The following MCF2L variants were observed in gnomAD, a reference collection of about 807,000 sequenced individuals.
MCF2L encodes the protein guanine nucleotide exchange factor DBS.
MCF2L carries 97 observed loss-of-function variants against 153.4 expected under a neutral mutation model. The observed-to-expected ratio is 0.63, with a 90% CI of 0.54 to 0.75. The LOEUF is 0.75. Ranked by LOEUF, MCF2L falls within the 30% of genes least tolerant of loss-of-function variation. The pLI is 0.00. For synonymous variants in MCF2L, 659 were observed against 632.2 expected, an observed-to-expected ratio of 1.04 and a Z score of -0.64; for missense variants, 1,347 against 1,495.2, an observed-to-expected ratio of 0.90 and a Z score of 1.64.
In MCF2L at chr13:113,023,129, G is replaced by A. The variant is rs372837164; in HGVS notation, c.164-1515G>A. On this transcript the variant is annotated intron_variant, in intron 2 of 29. Transcript: ENST00000535094. ...GAGCTGTCCCAGGTGAAGGGGGGCC[G>A]TCACGGTGTGTGGACGCCCCTCGGC... Among the ~76,000 whole-genome samples the A allele has an allele frequency of 1.8e-3, 269 of 152,360 alleles. 1 individual carries two copies. The highest frequency in any genetic ancestry group is 0.014 in the South Asian group (66 of 4,828).
At chr13:112,905,006 C>A (rs972172527) in intron 2 of MCF2L, among the ~76,000 whole-genome samples, 28 of 152,232 alleles carry the variant, frequency 1.8e-4, no homozygotes, top group African/African-American at 6.5e-4. Context: ...CACTGTTGTA[C>A]AACCACCACC....
chr13:112,964,642 G>T (rs2081871460), upstream of MCF2L, among the ~76,000 whole-genome samples: 1 of 152,202 alleles, frequency 6.6e-6, no homozygotes, highest in Admixed American at 6.5e-5. Context: ...GTTTATGACA[G>T]TCAAGAATCA....
rs890683570 is a variant in MCF2L, at chr13:112,960,425, T to G, written c.170-54338T>G. Among the ~76,000 whole-genome samples, 12 of 152,128 alleles carry G rather than the reference T, an allele frequency of 7.9e-5. No homozygotes were observed. Among genetic ancestry groups the G allele is most frequent in the African/African-American group, 2.9e-4 (12 of 41,422 alleles). On this transcript the variant is annotated intron_variant, in intron 2 of 29. Transcript: ENST00000375608. The surrounding 1 kb of genome is among the most constrained non-coding windows in gnomAD (Gnocchi z 4.2). ...GGTGAGGTTTCCCACACACGACCTT[T>G]GGGGGACACATTAAACCCCAGCAGA...
intron 1 of MCF2L, among the ~76,000 whole-genome samples, chr13:112,988,847 G>A (rs113703126): frequency 0.33 from 6,721 of 20,194 alleles, 83 homozygotes; most frequent in Non-Finnish European, 0.45. Context: ...GAGCTACCAC[G>A]CCCAAGTCCT....
chr13:113,063,495 C>T (rs959102209), intron 5 of MCF2L, among the ~76,000 whole-genome samples: 3 of 150,376 alleles, frequency 2.0e-5, no homozygotes, highest in Admixed American at 1.3e-4. Context: ...CCTGTCCACA[C>T]AGCTGCCCAC....
Position 113,046,566 on chromosome 13 carries a change from G to A in MCF2L, c.369+1205G>A, listed in dbSNP as rs373785167. On this transcript the variant is annotated intron_variant, in intron 4 of 29. Coordinates refer to ENST00000535094, the MANE Select transcript of MCF2L (RefSeq NM_001112732.3). This position sits in a 1 kb window ranked among gnomAD's most constrained non-coding sequence, Gnocchi z 4.4. ...ACTGAAAAAAGTCATTCCTTTCCCCGCACATTGCCTCATTCCTTCATCTTT... is the reference window on the plus strand; with the variant it reads ...ACTGAAAAAAGTCATTCCTTTCCCCACACATTGCCTCATTCCTTCATCTTT... 105 of 533,064 alleles carry A rather than the reference G, an allele frequency of 2.0e-4. No homozygotes were observed. The highest frequency in any genetic ancestry group is 1.8e-4 in the Non-Finnish European group (46 of 259,864). The allele number at this position is 533,064 out of a possible 1,614,324, so 33.0% of individuals were successfully genotyped here. A position where few individuals can be genotyped will look rare whatever the true frequency, so the allele number is the denominator to read the frequency against.
In MCF2L at chr13:113,086,296, C is replaced by T. The variant is rs372532613; in HGVS notation, c.2373+47C>T. ...TCTTCCCCGCCGCCTCCGTGGAATA[C>T]ACCAGCCCAGCAACTTGGCGGCCTC... On this transcript the variant is annotated intron_variant, in intron 21 of 29. Transcript: ENST00000535094. The T allele has an allele frequency of 5.0e-6, 8 of 1,595,300 alleles. No homozygotes were observed. In the African/African-American group the frequency reaches 9.5e-5, roughly 19 times the overall value.
At chr13:112,956,078 G>C (rs771474423) in intron 2 of MCF2L, 1 of 152,262 alleles carries the variant, frequency 6.6e-6, no homozygotes, top group Non-Finnish European at 1.5e-5. Context: ...ATGGCAAACT[G>C]TGTGGAGGCC....
intron 26 of MCF2L, among the ~76,000 whole-genome samples, chr13:113,091,456 C>T (rs776036018): frequency 4.9e-4 from 74 of 152,214 alleles, no homozygotes; most frequent in African/African-American, 1.5e-3. Context: ...CTGCTGGCCA[C>T]GGCTGCTGCG....
intron 1 of MCF2L, among the ~76,000 whole-genome samples, chr13:112,988,378 G>A (rs920520293): frequency 6.6e-6 from 1 of 152,236 alleles, no homozygotes; most frequent in Non-Finnish European, 1.5e-5. Flanking sequence ...CCCGGTGTGG[G>A]GAGCAGGGCC....
At chr13:113,019,980 G>A (rs1448651086) in intron 2 of MCF2L, among the ~76,000 whole-genome samples, 2 of 152,176 alleles carry the variant, frequency 1.3e-5, no homozygotes, top group Non-Finnish European at 2.9e-5. Context: ...CGGCCGCCCA[G>A]ACAGACCAAC....
intron 4 of MCF2L, among the ~76,000 whole-genome samples, chr13:113,058,648 G>GTTTCAGTGCCA (rs2030738543): frequency 6.6e-6 from 1 of 151,126 alleles, no homozygotes; most frequent in African/African-American, 2.4e-5. Flanking sequence ...GGTGCTGAGT[G>GTTTCAGTGCCA]TTTGGGCACT....
intron 26 of MCF2L, among the ~76,000 whole-genome samples, chr13:113,092,793 G>T (rs750031953): frequency 1.3e-5 from 2 of 152,212 alleles, no homozygotes; most frequent in African/African-American, 4.8e-5. Context: ...GGCCTCCCCC[G>T]CGCCCTGTTC....
At position 113,035,206 on chromosome 13, in the gene MCF2L, G is replaced by T. The variant is rs1425976129; in HGVS notation, c.279-10065G>T. Reference sequence around the variant, plus strand: ...TGAAACTGGGGCGGCTTCTCTGGGTGACTCTGACGCTCTCATTGCTTCACG... The same window carrying T: ...TGAAACTGGGGCGGCTTCTCTGGGTTACTCTGACGCTCTCATTGCTTCACG... On this transcript the variant is annotated intron_variant, in intron 3 of 29. Coordinates refer to ENST00000535094, the MANE Select transcript of MCF2L (RefSeq NM_001112732.3). The surrounding 1 kb of genome is among the most constrained non-coding windows in gnomAD (Gnocchi z 4.4). 1.3e-5 allele frequency among the ~76,000 whole-genome samples: 2 copies of T among 152,214 alleles called. No individual in the cohort carries two copies. The highest frequency in any genetic ancestry group is 6.5e-5 in the Admixed American group (1 of 15,286).
rs1394734554 is a variant in MCF2L, at chr13:113,035,295, CT to C, written c.279-9975del. Among the ~76,000 whole-genome samples the C allele has an allele frequency of 1.3e-5, 2 of 152,206 alleles. No individual in the cohort carries two copies. Among genetic ancestry groups the C allele is most frequent in the African/African-American group, 4.8e-5 (2 of 41,452 alleles). On this transcript the variant is annotated intron_variant, in intron 3 of 29. Coordinates refer to ENST00000535094, the MANE Select transcript of MCF2L (RefSeq NM_001112732.3). This position sits in a 1 kb window ranked among gnomAD's most constrained non-coding sequence, Gnocchi z 4.4. Reference sequence around the variant, plus strand: ...ACTTATGAATCGTGCATATTTTACTCTAAGGCCTGTCTGTAAACCCTAATAA... The same window carrying C: ...ACTTATGAATCGTGCATATTTTACTCAAGGCCTGTCTGTAAACCCTAATAA...
chr13:113,048,504 G>A (rs966761253), intron 4 of MCF2L, among the ~76,000 whole-genome samples: 13 of 122,466 alleles, frequency 1.1e-4, no homozygotes, highest in African/African-American at 1.7e-4. Context: ...GCAGTGGCGC[G>A]ATCTCAGCTC....
intron 1 of MCF2L, among the ~76,000 whole-genome samples, chr13:112,991,270 C>T (rs190461211): frequency 5.9e-5 from 9 of 151,834 alleles, no homozygotes; most frequent in Admixed American, 4.6e-4. Context: ...GGGCATCTCC[C>T]GGGACCTGAT....
At chr13:113,015,945 C>T (rs1186882114) in intron 2 of MCF2L, among the ~76,000 whole-genome samples, 1 of 152,168 alleles carries the variant, frequency 6.6e-6, no homozygotes, top group East Asian at 1.9e-4. Context: ...CGTCCCCAGC[C>T]TCTCCCCGCC....
chr13:112,961,441 G>C (rs759501086), intron 2 of MCF2L, among the ~76,000 whole-genome samples: 2 of 152,240 alleles, frequency 1.3e-5, no homozygotes, highest in Non-Finnish European at 2.9e-5. Flanking sequence ...GTGCAGCAGG[G>C]CTGGGGGACA....
Sources: allele counts gnomAD v4.1 joint callset (sites outside exome capture counted in the v4.1 genomes callset), GRCh38; gene constraint gnomAD v4.1.1; non-coding constraint Gnocchi (gnomAD v3.1); transcripts MANE v1.5; gene names NCBI Gene and HGNC (gene_info 2026-07-23, HGNC 2026-07-21).